SEC14L2: variants seen among roughly 807,000 people sequenced by gnomAD.
The protein encoded by SEC14L2 is SEC14-like protein 2.
Under a neutral mutation model 56.9 loss-of-function variants are expected in SEC14L2, and 50 were observed. The observed-to-expected ratio is 0.88, with a 90% CI of 0.70 to 1.11. The LOEUF (loss-of-function observed/expected upper bound fraction) is 1.11. Among genes scored for constraint, SEC14L2 ranks in the 50% most tolerant of loss-of-function variants. SEC14L2 has a pLI of 0.00. For synonymous variants in SEC14L2, 179 were observed against 188.5 expected, an observed-to-expected ratio of 0.95 and a Z score of 0.41; for missense variants, 414 against 500.7, an observed-to-expected ratio of 0.83 and a Z score of 1.65.
rs1335357891 is a variant in SEC14L2 at position 30,397,171 on chromosome 22, G to A, written c.54+1G>A. 5 of 1,539,898 alleles carry A rather than the reference G, an allele frequency of 3.2e-6. No homozygotes were observed. Among genetic ancestry groups the A allele is most frequent in the Non-Finnish European group, 4.4e-6 (5 of 1,142,014 alleles). On this transcript the variant is annotated splice_donor_variant, in intron 1 of 11. Transcript: ENST00000615189. LOFTEE classifies it high-confidence loss of function. Reference sequence around the variant, plus strand: ...CAGGCAGAAGGAGGCATTGGCCAAGGTGAGCTGTAGCCCTGGCCCGGGCTC... The same window carrying A: ...CAGGCAGAAGGAGGCATTGGCCAAGATGAGCTGTAGCCCTGGCCCGGGCTC...
intron 1 of SEC14L2, chr22:30,397,458 C>T: frequency 4.5e-6 from 2 of 448,838 alleles, no homozygotes; most frequent in South Asian, 7.1e-5. Context: ...CCGCTGAGGG[C>T]ACAAAGGCAA....
At chr22:30,397,743 T>A (rs754646762) in intron 1 of SEC14L2, 1 of 413,022 alleles carries the variant, frequency 2.4e-6, no homozygotes, top group Non-Finnish European at 5.0e-6. Flanking sequence ...CGTGTGTGAA[T>A]TCCAGGCTCC....
Position 30,423,593 on chromosome 22 carries a change from G to T in SEC14L2, c.*1186G>T. 1 of 152,466 alleles carries T rather than the reference G, an allele frequency of 6.6e-6. No homozygotes were observed. The highest frequency in any genetic ancestry group is 1.5e-5 in the Non-Finnish European group (1 of 68,118). The allele number at this position is 152,466 out of a possible 1,614,324, so 9.4% of individuals were successfully genotyped here. On this transcript the variant is annotated 3_prime_UTR_variant, in exon 12 of 12. Coordinates refer to ENST00000615189, the MANE Select transcript of SEC14L2 (RefSeq NM_012429.5). ...CCCGCCAACGAACCACAGGTGCTGG[G>T]CTTTAGAGAACATGGGAAGGCGGCC...
chr22:30,419,225 T>C lies in SEC14L2; in HGVS notation c.1081+2822T>C, dbSNP rs552844269. The stretch of plus-strand genomic sequence containing the variant: ...TCTCCCAGTGTTTTCAGCAAGTGTC[T>C]CTATTAGGTTTGGTTTTCCTTCTCC... On this transcript the variant is annotated intron_variant, in intron 11 of 11. Coordinates refer to ENST00000615189, the MANE Select transcript of SEC14L2 (RefSeq NM_012429.5). Among the ~76,000 whole-genome samples the C allele has an allele frequency of 1.2e-3, 185 of 152,250 alleles. 1 individual carries two copies. The highest frequency in any genetic ancestry group is 4.2e-3 in the African/African-American group (176 of 41,544).
At chr22:30,407,724 T>TC in intron 5 of SEC14L2, 121 bp downstream of exon 5, 3 of 928,106 alleles carry the variant, frequency 3.2e-6, no homozygotes, top group Non-Finnish European at 4.5e-6. Flanking sequence ...TTTTTTTTTT[T>TC]TTTTTTAATT....
intron 8 of SEC14L2, among the ~76,000 whole-genome samples, chr22:30,412,501 G>A (rs1395075149): frequency 1.3e-5 from 2 of 152,074 alleles, no homozygotes; most frequent in East Asian, 1.9e-4. Context: ...CAGGGATAGA[G>A]AGGAGAGGAT....
intron 3 of SEC14L2, among the ~76,000 whole-genome samples, chr22:30,406,781 G>A (rs937299106): frequency 1.3e-4 from 19 of 151,932 alleles, no homozygotes; most frequent in Admixed American, 2.6e-4. Context: ...ACAGAGTCTC[G>A]CTCTGTCACC....
chr22:30,407,494 C>T lies in SEC14L2; in HGVS notation c.314C>T (p.Pro105Leu), dbSNP rs1934129533. The T allele has an allele frequency of 6.2e-7, 1 of 1,614,148 alleles. No homozygotes were observed. The highest frequency in any genetic ancestry group is 1.7e-5 in the Admixed American group (1 of 60,022). The change falls in exon 5 of 12, where the codon CCT becomes CTT. Residue 105 changes from proline to leucine, a missense_variant. Coordinates refer to ENST00000615189, the MANE Select transcript of SEC14L2 (RefSeq NM_012429.5). The part of the protein sequence containing the change: ...GCPVWYDIIG[P>L]LDAKGLLFSA... ...CCAGTCTGGTACGACATAATTGGAC[C>T]TCTGGATGCCAAGGGTCTGCTGTTC...
At chr22:30,404,480 G>C (rs1427271899) in intron 2 of SEC14L2, among the ~76,000 whole-genome samples, 1 of 152,174 alleles carries the variant, frequency 6.6e-6, no homozygotes, top group Admixed American at 6.5e-5. Context: ...AGGGCAGCCT[G>C]TCTGGCCCAG....
intron 8 of SEC14L2, among the ~76,000 whole-genome samples, chr22:30,412,963 TGA>T (rs2146031966): frequency 6.6e-6 from 1 of 151,994 alleles, no homozygotes; most frequent in African/African-American, 2.4e-5. Flanking sequence ...CAGAGGTGAC[TGA>T]GAGATGGTGA....
rs2041863523 is a variant in SEC14L2, at chr22:30,407,579, A to G, written c.399A>G (p.Gln133=). The G allele has an allele frequency of 1.9e-6, 3 of 1,614,142 alleles. No individual in the cohort carries two copies. The highest frequency in any genetic ancestry group is 2.5e-6 in the Non-Finnish European group (3 of 1,180,006). The change falls in exon 5 of 12, where the codon CAA becomes CAG. Residue 133 remains glutamine (Q), a synonymous_variant. Transcript: ENST00000615189. ...TGCGGGAGTGTGAGCTGCTTCTGCA[A>G]GAGTGTGCCCACCAGACCACAAAGG... ...TKMRECELLL[Q]ECAHQTTKLG...
At chr22:30,406,686 C>T (rs1334728243) in intron 3 of SEC14L2, among the ~76,000 whole-genome samples, 2 of 152,150 alleles carry the variant, frequency 1.3e-5, no homozygotes, top group Non-Finnish European at 2.9e-5. Context: ...GGTCCATTCA[C>T]GCTGTCGCTT....
chr22:30,399,670 C>T lies in SEC14L2; in HGVS notation c.82C>T (p.Pro28Ser). The change falls in exon 2 of 12, where the codon CCG becomes TCG. Residue 28 changes from proline (P) to serine (S), a missense_variant. Physicochemically the swap from Pro to Ser is moderately conservative, Grantham distance 74. Coordinates refer to ENST00000615189, the MANE Select transcript of SEC14L2 (RefSeq NM_012429.5). ...KFRENVQDVL[P>S]ALPNPDDYFL... ...TCGGGAGAATGTCCAGGATGTGCTG[C>T]CGGCCCTGCCGAATCCAGATGACTA... The T allele has an allele frequency of 1.9e-6, 3 of 1,613,928 alleles. No homozygotes were observed. The highest frequency in any genetic ancestry group is 2.5e-6 in the Non-Finnish European group (3 of 1,179,918).
In SEC14L2 at chr22:30,423,867, A is replaced by G. The variant is rs547600693; in HGVS notation, c.*1460A>G. 6 of 152,430 alleles carry G rather than the reference A, an allele frequency of 3.9e-5. No homozygotes were observed. Among genetic ancestry groups the G allele is most frequent in the South Asian group, 4.1e-4 (2 of 4,832 alleles). The allele number at this position is 152,430 out of a possible 1,614,324, so 9.4% of individuals were successfully genotyped here. A position where few individuals can be genotyped will look rare whatever the true frequency, so the allele number is the denominator to read the frequency against. ...GGAGTGAAATTCAATGCCCACCGCT[A>G]GGCTCCTCGCTGCCTCTCACTCAAG... On this transcript the variant is annotated 3_prime_UTR_variant, in exon 12 of 12. Coordinates refer to ENST00000615189, the MANE Select transcript of SEC14L2 (RefSeq NM_012429.5).
Position 30,407,424 on chromosome 22 carries a change from C to T in SEC14L2, c.244C>T (p.Gln82Ter), listed in dbSNP as rs1306462021. 2 of 1,613,306 alleles carry T rather than the reference C, an allele frequency of 1.2e-6. No individual in the cohort carries two copies. The highest frequency in any genetic ancestry group is 1.1e-5 in the South Asian group (1 of 91,052). Residue 82 changes from glutamine (Q) to a stop codon, truncating the protein, a stop_gained, in exon 5 of 12, where the codon CAG becomes TAG. Transcript: ENST00000615189. LOFTEE classifies it high-confidence loss of function. The stretch of plus-strand genomic sequence containing the variant: ...CTGTGTCTTTGCCCAGGTGATCCAA[C>T]AGTATCTGTCAGGGGGTATGTGTGG... ...ISWQPPEVIQ[Q>*]YLSGGMCGYD...
chr22:30,400,623 G>A (rs1280467966), intron 2 of SEC14L2, among the ~76,000 whole-genome samples: 2 of 151,904 alleles, frequency 1.3e-5, no homozygotes, highest in South Asian at 2.1e-4. Flanking sequence ...GGCCAGGTGC[G>A]GTGGCTCACG....
intron 2 of SEC14L2, among the ~76,000 whole-genome samples, chr22:30,403,745 T>C (rs1016992377): frequency 7.2e-5 from 11 of 152,182 alleles, no homozygotes; most frequent in Non-Finnish European, 1.3e-4. Flanking sequence ...GGCTCACGCC[T>C]GTAATCCCAG....
chr22:30,402,472 G>A (rs994087515), intron 2 of SEC14L2, among the ~76,000 whole-genome samples: 29 of 152,088 alleles, frequency 1.9e-4, no homozygotes, highest in Non-Finnish European at 3.1e-4. Flanking sequence ...GAATGTGGTC[G>A]GTCATTCTCA....
At position 30,399,651 on chromosome 22, in the gene SEC14L2, G is replaced by T; in HGVS notation, c.63G>T (p.Glu21Asp). ...GATGCCTCTCCCTACAGTTTCGGGA[G>T]AATGTCCAGGATGTGCTGCCGGCCC... ...RQKEALAKFR[E>D]NVQDVLPALP... The change falls in exon 2 of 12, where the codon GAG (glutamate) becomes GAT (aspartate). Residue 21 changes from glutamate (E) to aspartate (D), a missense_variant. By Grantham distance (45) the Glu-to-Asp change is conservative. Transcript: ENST00000615189. The T allele has an allele frequency of 6.2e-7, 1 of 1,613,572 alleles. No homozygotes were observed.
Sources: gnomAD v4.1 joint callset for allele counts (sites outside exome capture counted in the v4.1 genomes callset) on GRCh38, gnomAD v4.1.1 for gene constraint, MANE v1.5 for transcripts, NCBI Gene and HGNC (gene_info 2026-07-23, HGNC 2026-07-21) for gene names.